Variants in GPC6 observed in about 807,000 individuals in gnomAD.
GPC6 encodes glypican 6, also known as glypican-6.
In GPC6, 14 loss-of-function variants were observed where a neutral mutation model predicts 55.2. That is an observed-to-expected ratio of 0.25 (90% confidence interval 0.17 to 0.40). The LOEUF is 0.40. GPC6 is among the 10% of genes least tolerant of loss of function. The probability of loss-of-function intolerance (pLI) is 1.00; values close to 1 mark genes in which losing one functional copy is unlikely to be tolerated. For missense variants in GPC6, 641 were observed against 708.5 expected, an observed-to-expected ratio of 0.90 and a Z score of 1.08; for synonymous variants, 278 against 259.6, an observed-to-expected ratio of 1.07 and a Z score of -0.68.
intron 3 of GPC6, among the ~76,000 whole-genome samples, chr13:93,991,339 A>G (rs1881295976): frequency 6.6e-6 from 1 of 152,200 alleles, no homozygotes; most frequent in South Asian, 2.1e-4. Context: ...CTAGAATACA[A>G]AGTTTATTAT....
intron 1 of GPC6, among the ~76,000 whole-genome samples, chr13:93,396,299 T>C (rs1219350665): frequency 6.6e-6 from 1 of 152,208 alleles, no homozygotes; most frequent in Non-Finnish European, 1.5e-5. Flanking sequence ...GCATGGTAGC[T>C]CACGCCTGTA....
At chr13:93,951,558 C>CA (rs1278667190) in intron 3 of GPC6, among the ~76,000 whole-genome samples, 2 of 151,974 alleles carry the variant, frequency 1.3e-5, no homozygotes, top group African/African-American at 4.8e-5. Context: ...TGCTGATAAC[C>CA]AGTAATGGCT....
At chr13:94,057,135 C>A (rs1884158932) in intron 4 of GPC6, among the ~76,000 whole-genome samples, 1 of 152,074 alleles carries the variant, frequency 6.6e-6, no homozygotes, top group Admixed American at 6.6e-5. Flanking sequence ...AAAATAAACT[C>A]AATGTTACAT....
intron 4 of GPC6, among the ~76,000 whole-genome samples, chr13:94,118,126 C>T (rs1886497300): frequency 6.6e-6 from 1 of 151,858 alleles, no homozygotes; most frequent in African/African-American, 2.4e-5. Flanking sequence ...GTCTGTGTCC[C>T]CACCCAAATC....
At chr13:93,685,083 T>C (rs1881999416) in intron 2 of GPC6, among the ~76,000 whole-genome samples, 1 of 152,244 alleles carries the variant, frequency 6.6e-6, no homozygotes, top group South Asian at 2.1e-4. Context: ...TTTAAGTCAC[T>C]ACCACCCATT....
At chr13:93,574,959 T>C (rs1369298898) in intron 2 of GPC6, among the ~76,000 whole-genome samples, 1 of 152,178 alleles carries the variant, frequency 6.6e-6, no homozygotes, top group African/African-American at 2.4e-5. Context: ...AGGGAAGTGC[T>C]TAATGTACTT....
chr13:94,261,290 A>C (rs1891650259), intron 4 of GPC6, among the ~76,000 whole-genome samples: 2 of 152,164 alleles, frequency 1.3e-5, no homozygotes, highest in Non-Finnish European at 2.9e-5. Flanking sequence ...TGCAATAATA[A>C]TAAGGAAAAG....
At chr13:93,388,162 T>C (rs1490067653) in intron 1 of GPC6, among the ~76,000 whole-genome samples, 1 of 152,182 alleles carries the variant, frequency 6.6e-6, no homozygotes, top group South Asian at 2.1e-4. Context: ...GCAAGATAAC[T>C]GCTATTTAAA....
chr13:93,677,721 G>A lies in GPC6; in HGVS notation c.319+132300G>A, dbSNP rs559963318. On this transcript the variant is annotated intron_variant, in intron 2 of 8. Transcript: ENST00000377047. ...TTATTGGTCACATGACTAATTACAA[G>A]GGTTAAAACAGAGATAAGGGTAAAA... is the stretch of plus-strand genomic sequence containing the variant. Among the ~76,000 whole-genome samples, 36 of 152,170 alleles carry A rather than the reference G, an allele frequency of 2.4e-4. No homozygotes were observed. In the South Asian group the frequency reaches 7.3e-3, roughly 31 times the overall value.
Position 94,404,909 on chromosome 13 carries a change from G to C in GPC6, c.*1692G>C, listed in dbSNP as rs1162050795. The C allele has an allele frequency of 1.3e-5, 2 of 152,148 alleles. No homozygotes were observed. Among genetic ancestry groups the C allele is most frequent in the Non-Finnish European group, 2.9e-5 (2 of 68,036 alleles). The allele number at this position is 152,148 out of a possible 1,614,324, so 9.4% of individuals were successfully genotyped here. ...ACTGGGGGCTTTATGAATACAGTTG[G>C]CTATCCATATGTTTCTTAGTTTTTA... On this transcript the variant is annotated 3_prime_UTR_variant, in exon 9 of 9. Transcript: ENST00000377047.
chr13:93,593,133 G>C (rs1244677636), intron 2 of GPC6, among the ~76,000 whole-genome samples: 2 of 152,002 alleles, frequency 1.3e-5, no homozygotes, highest in Admixed American at 1.3e-4. Flanking sequence ...AAAAATGACT[G>C]TATTTTAATA....
chr13:94,023,229 T>A (rs190118938), intron 3 of GPC6, among the ~76,000 whole-genome samples: 332 of 152,136 alleles, frequency 2.2e-3, no homozygotes, highest in Non-Finnish European at 3.8e-3. Context: ...CTATTTTAAA[T>A]TTTAAGTATG....
At chr13:93,934,886 T>C (rs1878354664) in intron 3 of GPC6, among the ~76,000 whole-genome samples, 1 of 151,906 alleles carries the variant, frequency 6.6e-6, no homozygotes, top group Admixed American at 6.6e-5. Flanking sequence ...ATCATCTGAA[T>C]GTTTTATATA....
intron 4 of GPC6, among the ~76,000 whole-genome samples, chr13:94,223,678 G>A (rs1890456146): frequency 6.6e-6 from 1 of 152,078 alleles, no homozygotes; most frequent in African/African-American, 2.4e-5. Flanking sequence ...CTACAACACA[G>A]TTACTGTCAT....
At chr13:93,420,740 C>T (rs2139258839) in intron 1 of GPC6, among the ~76,000 whole-genome samples, 1 of 152,172 alleles carries the variant, frequency 6.6e-6, no homozygotes, top group Middle Eastern at 3.4e-3. Flanking sequence ...ATTCATTTGT[C>T]CAGTCAACAA....
At chr13:93,502,118 A>G (rs886466021) in intron 1 of GPC6, among the ~76,000 whole-genome samples, 6 of 152,128 alleles carry the variant, frequency 3.9e-5, no homozygotes, top group African/African-American at 1.2e-4. Flanking sequence ...AAGTAGCAAT[A>G]TGTTCAGTTG....
chr13:93,392,433 C>T (rs942138602), intron 1 of GPC6, among the ~76,000 whole-genome samples: 5 of 152,324 alleles, frequency 3.3e-5, no homozygotes, highest in African/African-American at 1.2e-4. Flanking sequence ...CTTCTATAAA[C>T]TCATCAGCAT....
chr13:93,533,259 G>C (rs141799485), intron 1 of GPC6, among the ~76,000 whole-genome samples: 2 of 152,276 alleles, frequency 1.3e-5, no homozygotes, highest in African/African-American at 2.4e-5. Flanking sequence ...AAATGTATGA[G>C]ACTAAGAACA....
intron 1 of GPC6, among the ~76,000 whole-genome samples, chr13:93,414,415 G>C (rs1876618710): frequency 1.3e-5 from 2 of 152,058 alleles, no homozygotes. Flanking sequence ...GTAAATGTTT[G>C]TTTTGCTTTC....
Sources: gnomAD v4.1 joint callset for allele counts (sites outside exome capture counted in the v4.1 genomes callset) on GRCh38, gnomAD v4.1.1 for gene constraint, MANE v1.5 for transcripts, NCBI Gene and HGNC (gene_info 2026-07-23, HGNC 2026-07-21) for gene names.